LARGE1: variants seen among roughly 807,000 people sequenced by gnomAD.
LARGE1 encodes the protein xylosyl- and glucuronyltransferase LARGE1.
A neutral mutation model predicts 87.6 loss-of-function variants in LARGE1; 43 were observed. The ratio of observed to expected loss-of-function variants is 0.49; its 90% CI spans 0.38 to 0.63. The LOEUF (loss-of-function observed/expected upper bound fraction) is 0.63. Among genes scored for constraint, LARGE1 ranks in the 30% least tolerant of loss-of-function variants. The pLI, the probability that LARGE1 is intolerant of heterozygous loss-of-function variation, is 0.00. For synonymous variants in LARGE1, 434 were observed against 394.6 expected (o/e 1.10, Z -1.18); for missense variants, 802 against 1,000.2 (o/e 0.80, Z 2.67).
At chr22:33,081,089 C>T in the LARGE1 span, among the ~76,000 whole-genome samples, 2 of 152,148 alleles carry the variant, frequency 1.3e-5, no homozygotes, top group Non-Finnish European at 2.9e-5. Context: ...GGTATGTGGA[C>T]ATAGGGCCTT....
rs777727611 is a variant in LARGE1 at position 33,457,924 on chromosome 22, C to G, written c.788-25659G>C. Among the ~76,000 whole-genome samples the G allele has an allele frequency of 2.6e-5, 4 of 152,148 alleles. No homozygotes were observed. In the East Asian group the frequency reaches 7.7e-4, roughly 29 times the overall value. On this transcript the variant is annotated intron_variant, in intron 6 of 14. Transcript: ENST00000397394. ...TTAGTTTCAAATCCCAGCTTACCCA[C>G]TGGCCAAGTGTATAATCTTTCAGCA...
intron 11 of LARGE1, among the ~76,000 whole-genome samples, chr22:33,267,467 TTA>T (rs1190191469): frequency 2.0e-5 from 3 of 151,680 alleles, no homozygotes; most frequent in Non-Finnish European, 2.9e-5. Context: ...TAGACATGGG[TTA>T]TGTTCAAATA....
At chr22:33,765,921 A>G (rs1341999190) in intron 1 of LARGE1, among the ~76,000 whole-genome samples, 1 of 152,154 alleles carries the variant, frequency 6.6e-6, no homozygotes, top group Non-Finnish European at 1.5e-5. Flanking sequence ...AACAGAATCT[A>G]TGGTGGTTCC....
chr22:33,201,378 G>A (rs1924379668), intron 11 of LARGE1, among the ~76,000 whole-genome samples: 1 of 147,242 alleles, frequency 6.8e-6, no homozygotes, highest in Non-Finnish European at 1.5e-5. Flanking sequence ...AAGGAAGGAA[G>A]AAAGAAAGGA....
At chr22:33,466,972 G>A (rs1303620533) in intron 6 of LARGE1, among the ~76,000 whole-genome samples, 1 of 152,138 alleles carries the variant, frequency 6.6e-6, no homozygotes, top group Non-Finnish European at 1.5e-5. Flanking sequence ...AATCTGGGAG[G>A]TGGAGGTTGC....
intron 12 of LARGE1, among the ~76,000 whole-genome samples, chr22:33,300,453 C>T (rs1344021059): frequency 1.3e-5 from 2 of 152,312 alleles, no homozygotes; most frequent in Admixed American, 1.3e-4. Context: ...ATGGCTCACT[C>T]TAGCTTCAGC....
At chr22:33,850,325 T>C (rs2063551404) in intron 1 of LARGE1, among the ~76,000 whole-genome samples, 1 of 152,188 alleles carries the variant, frequency 6.6e-6, no homozygotes, top group Non-Finnish European at 1.5e-5. Flanking sequence ...CCTAGGATTA[T>C]CTGCAAGGAA....
chr22:33,521,161 C>T (rs966082655), intron 6 of LARGE1, among the ~76,000 whole-genome samples: 4 of 152,180 alleles, frequency 2.6e-5, no homozygotes, highest in South Asian at 2.1e-4. Flanking sequence ...TGAAGAAATA[C>T]GTGGTTCTTA....
intron 2 of LARGE1, among the ~76,000 whole-genome samples, chr22:33,744,680 C>A (rs924709603): frequency 1.3e-5 from 2 of 151,956 alleles, no homozygotes; most frequent in Admixed American, 6.5e-5. Context: ...CACGCTCACG[C>A]CCTGGAAAAC....
chr22:33,291,592 C>T (rs911648040), intron 12 of LARGE1, among the ~76,000 whole-genome samples: 24 of 151,558 alleles, frequency 1.6e-4, no homozygotes, highest in Non-Finnish European at 1.3e-4. Flanking sequence ...TACATTAATG[C>T]ATAATGTATT....
chr22:33,918,777 C>A (rs2065858690), intron 1 of LARGE1, among the ~76,000 whole-genome samples: 1 of 152,098 alleles, frequency 6.6e-6, no homozygotes, highest in South Asian at 2.1e-4. Flanking sequence ...GTGACTGCCT[C>A]CACGGAATGA....
intron 11 of LARGE1, among the ~76,000 whole-genome samples, chr22:33,202,878 T>C (rs1457769095): frequency 1.3e-5 from 2 of 152,260 alleles, no homozygotes; most frequent in East Asian, 1.9e-4. Flanking sequence ...AAAGTTAGCA[T>C]GGATGGAAGG....
intron 2 of LARGE1, among the ~76,000 whole-genome samples, chr22:33,664,731 G>C (rs2081218087): frequency 6.6e-6 from 1 of 152,184 alleles, no homozygotes; most frequent in Non-Finnish European, 1.5e-5. Context: ...AGGTATGGTG[G>C]CACATGCCTA....
At chr22:33,601,358 G>C (rs1458933029) in intron 5 of LARGE1, among the ~76,000 whole-genome samples, 1 of 152,174 alleles carries the variant, frequency 6.6e-6, no homozygotes, top group Admixed American at 6.5e-5. Context: ...CAGGGCAAGA[G>C]AAAGGGACAA....
At chr22:33,294,997 G>A (rs1485968852) in intron 12 of LARGE1, among the ~76,000 whole-genome samples, 1 of 152,166 alleles carries the variant, frequency 6.6e-6, no homozygotes, top group Non-Finnish European at 1.5e-5. Flanking sequence ...GGGAATAAAA[G>A]CACTTATCTT....
intron 1 of LARGE1, among the ~76,000 whole-genome samples, chr22:33,815,287 C>CT (rs1157358513): frequency 1.3e-5 from 2 of 152,218 alleles, no homozygotes; most frequent in African/African-American, 4.8e-5. Context: ...ATCACCTCGT[C>CT]TAAGCCAGAG....
At chr22:33,679,580 C>T (rs1304433170) in intron 2 of LARGE1, among the ~76,000 whole-genome samples, 1 of 152,052 alleles carries the variant, frequency 6.6e-6, no homozygotes, top group African/African-American at 2.4e-5. Flanking sequence ...CGGTGGTTCA[C>T]ACCTGTAATC....
intron 10 of LARGE1, among the ~76,000 whole-genome samples, chr22:33,336,773 C>T (rs1009615205): frequency 9.9e-5 from 15 of 151,840 alleles, no homozygotes; most frequent in African/African-American, 3.1e-4. Flanking sequence ...TCTAAAAAGT[C>T]GGTTCTGGCC....
chr22:33,783,582 A>G (rs994473392), intron 1 of LARGE1, among the ~76,000 whole-genome samples: 4 of 152,314 alleles, frequency 2.6e-5, no homozygotes, highest in African/African-American at 9.6e-5. Flanking sequence ...ACAAATTTGT[A>G]TGGAGAGTTA....
Sources: allele counts gnomAD v4.1 joint callset (sites outside exome capture counted in the v4.1 genomes callset), GRCh38; gene constraint gnomAD v4.1.1; transcripts MANE v1.5; gene names NCBI Gene and HGNC (gene_info 2026-07-23, HGNC 2026-07-21).